WNK3: variants seen among roughly 807,000 people sequenced by gnomAD.
The protein encoded by WNK3 is WNK lysine deficient protein kinase 3.
Under a neutral mutation model 116.7 loss-of-function variants are expected in WNK3, and 18 were observed. That is an observed-to-expected ratio of 0.15 (90% CI 0.11 to 0.23). The LOEUF is 0.23. Among genes scored for constraint, WNK3 ranks in the 10% least tolerant of loss-of-function variants. WNK3 has a pLI of 1.00. For synonymous variants in WNK3, 404 were observed against 469.4 expected, an observed-to-expected ratio of 0.86 and a Z score of 1.80; for missense variants, 993 against 1,323.8, an observed-to-expected ratio of 0.75 and a Z score of 3.88.
intron 2 of WNK3, among the ~76,000 whole-genome samples, chrX:54,313,179 A>G (rs1182221519): frequency 1.8e-5 from 2 of 110,485 alleles, no homozygotes; most frequent in African/African-American, 3.3e-5. Flanking sequence ...TATTTATTTC[A>G]TTATTTATTT....
chrX:54,245,257 C>A (rs2068064138), intron 17 of WNK3, among the ~76,000 whole-genome samples: 1 of 107,287 alleles, frequency 9.3e-6, no homozygotes, highest in Non-Finnish European at 1.9e-5. Flanking sequence ...GAGACCAAGG[C>A]AGGAGCATTG....
At chrX:54,331,100 T>C (rs2069165207) in intron 2 of WNK3, among the ~76,000 whole-genome samples, 1 of 109,821 alleles carries the variant, frequency 9.1e-6, no homozygotes, top group East Asian at 2.9e-4. Context: ...GAAGAACAGC[T>C]AATGGATGCT....
intron 2 of WNK3, among the ~76,000 whole-genome samples, chrX:54,314,216 A>C (rs1185152582): frequency 2.8e-5 from 3 of 108,504 alleles, no homozygotes; most frequent in Non-Finnish European, 1.9e-5. Context: ...AAAAAAAAAA[A>C]AACAAAACAC....
rs781985053 is a variant in WNK3, at chrX:54,215,438, G to A, written c.4871-13245C>T. Among the ~76,000 whole-genome samples, 3 of 112,880 alleles carry A rather than the reference G, an allele frequency of 2.7e-5. No homozygotes were observed. The South Asian group carries it at 1.1e-3, about 41-fold the overall frequency. ...GCTCCCGACCGCGAGTGATCTGCCAGCCTCGGCCTCCCGAGGTGCCGGGAT... is the reference window on the plus strand; with the variant it reads ...GCTCCCGACCGCGAGTGATCTGCCAACCTCGGCCTCCCGAGGTGCCGGGAT... On this transcript the variant is annotated intron_variant, in intron 22 of 23. Transcript: ENST00000354646.
intron 4 of WNK3, among the ~76,000 whole-genome samples, chrX:54,308,401 A>G (rs1334968958): frequency 9.1e-6 from 1 of 109,946 alleles, no homozygotes; most frequent in Non-Finnish European, 1.9e-5. Context: ...CATGTTGGCC[A>G]GGCTGGTCTC....
At chrX:54,224,713 G>A (rs1324826812) in intron 22 of WNK3, among the ~76,000 whole-genome samples, 3 of 109,492 alleles carry the variant, frequency 2.7e-5, no homozygotes, top group Non-Finnish European at 5.7e-5. Flanking sequence ...GGGACTACAG[G>A]CGCCCGCCAC....
At chrX:54,245,401 C>T (rs1227524293) in intron 17 of WNK3, among the ~76,000 whole-genome samples, 1 of 109,880 alleles carries the variant, frequency 9.1e-6, no homozygotes, top group East Asian at 2.9e-4. Context: ...GCAAGGGGAT[C>T]ACCTAAACTC....
intron 10 of WNK3, among the ~76,000 whole-genome samples, chrX:54,287,671 A>C (rs2068595321): frequency 9.0e-6 from 1 of 111,524 alleles, no homozygotes; most frequent in Non-Finnish European, 1.9e-5. Flanking sequence ...AATTTTTTTT[A>C]ATTGTAGTCA....
At chrX:54,305,665 C>T (rs1412084065) in intron 5 of WNK3, among the ~76,000 whole-genome samples, 2 of 110,731 alleles carry the variant, frequency 1.8e-5, no homozygotes, top group Non-Finnish European at 3.8e-5. Flanking sequence ...CCACCATTAT[C>T]AGTAGCTGCG....
intron 3 of WNK3, 105 bp from the exon 4 acceptor site, chrX:54,309,420 C>T (rs2068860935): frequency 1.7e-6 from 1 of 571,767 alleles, no homozygotes. Flanking sequence ...CACTATGATT[C>T]CCATCACTGA....
chrX:54,240,258 G>A (rs1433195401), intron 17 of WNK3, among the ~76,000 whole-genome samples: 3 of 108,586 alleles, frequency 2.8e-5, no homozygotes, highest in South Asian at 8.3e-4. Flanking sequence ...AGCCGAGATC[G>A]CACCATTGCA....
chrX:54,277,008 C>T (rs2068457111), intron 10 of WNK3, among the ~76,000 whole-genome samples: 1 of 112,055 alleles, frequency 8.9e-6, no homozygotes, highest in South Asian at 3.7e-4. Flanking sequence ...TTAGCCACCG[C>T]GCCTGGCCAA....
chrX:54,251,651 T>G lies in WNK3; in HGVS notation c.2404A>C (p.Lys802Gln), dbSNP rs782559176. ...ATAGCTCTCAATTCTTCTACAAATTTTTCTTTCTCACTTTCCAGCACAAAG... is the reference window on the plus strand; with the variant it reads ...ATAGCTCTCAATTCTTCTACAAATTGTTCTTTCTCACTTTCCAGCACAAAG... The change falls in exon 14 of 24, where the codon AAA becomes CAA. Residue 802 changes from lysine (K) to glutamine (Q), a missense_variant. By Grantham distance (53) the Lys-to-Gln change is moderately conservative (BLOSUM62 1). This residue lies in a region of WNK3 where 836 missense variants were observed against 976.5 expected (regional missense o/e 0.86). Transcript: ENST00000354646. The G allele has an allele frequency of 7.4e-6, 9 of 1,211,284 alleles. No individual in the cohort carries two copies. The East Asian group carries it at 2.7e-4, about 36-fold the overall frequency.
chrX:54,253,725 G>A (rs2068161287), intron 13 of WNK3, among the ~76,000 whole-genome samples: 1 of 111,717 alleles, frequency 9.0e-6, no homozygotes, highest in African/African-American at 3.2e-5. Context: ...AGAGATAAGA[G>A]CCATTTAGCT....
intron 22 of WNK3, among the ~76,000 whole-genome samples, chrX:54,219,591 T>A (rs2067737829): frequency 1.1e-5 from 1 of 92,981 alleles, no homozygotes; most frequent in Non-Finnish European, 2.0e-5. Context: ...GGCAGGAGAA[T>A]CACTTGAACC....
At chrX:54,308,285 G>A (rs1174712378) in intron 4 of WNK3, among the ~76,000 whole-genome samples, 1 of 110,022 alleles carries the variant, frequency 9.1e-6, no homozygotes, top group African/African-American at 3.3e-5. Context: ...TCTGCCACCC[G>A]GGTTCAAGTG....
chrX:54,228,836 A>G, intron 21 of WNK3, 93 bp from the exon 22 acceptor site: 2 of 420,382 alleles, frequency 4.8e-6, no homozygotes, highest in Admixed American at 8.4e-5. Context: ...TTGAACTTAA[A>G]TTAATAAAGG....
intron 23 of WNK3, 113 bp downstream of exon 23, chrX:54,201,878 A>G (rs782347008): frequency 5.0e-6 from 3 of 601,180 alleles, no homozygotes; most frequent in Admixed American, 7.6e-5. Flanking sequence ...AAAAGTCTCT[A>G]TGTTATCAAG....
intron 20 of WNK3, among the ~76,000 whole-genome samples, chrX:54,235,251 T>C (rs901428637): frequency 4.5e-5 from 5 of 112,328 alleles, no homozygotes; most frequent in Non-Finnish European, 9.4e-5. Context: ...AAGTGGAGCA[T>C]TATTCAAGCT....
Sources: gnomAD v4.1 joint callset for allele counts (sites outside exome capture counted in the v4.1 genomes callset) on GRCh38, gnomAD v4.1.1 for gene constraint, gnomAD v4.1.1 regional missense constraint, MANE v1.5 for transcripts, NCBI Gene and HGNC (gene_info 2026-07-23, HGNC 2026-07-21) for gene names.